MYOM3: variants seen among roughly 807,000 people sequenced by gnomAD.
MYOM3 encodes myomesin-3.
In MYOM3, 155 loss-of-function variants were observed where a neutral mutation model predicts 191.7. The ratio of observed to expected loss-of-function variants is 0.81; its 90% CI spans 0.71 to 0.92. The LOEUF is 0.92. Ranked by LOEUF, MYOM3 falls within the 40% of genes least tolerant of loss-of-function variation. MYOM3 has a pLI of 0.00. For synonymous variants in MYOM3, 757 were observed against 762.9 expected (o/e 0.99, Z 0.13); for missense variants, 1,889 against 1,890.6 (o/e 1.00, Z 0.02).
chr1:24,081,590 T>G (rs1643669449), intron 18 of MYOM3, 134 bp from the exon 19 acceptor site: 4 of 1,056,050 alleles, frequency 3.8e-6, no homozygotes, highest in Non-Finnish European at 5.4e-6. Context: ...TGAGACATGG[T>G]CTCACTTTGT....
intron 13 of MYOM3, 109 bp from the exon 14 acceptor site, chr1:24,089,774 G>T: frequency 7.5e-7 from 1 of 1,325,140 alleles, no homozygotes; most frequent in South Asian, 1.5e-5. Context: ...ATCCCCCAGA[G>T]AGGGGCAGTA....
In MYOM3 at chr1:24,095,000, G is replaced by A. The variant is rs1388807977; in HGVS notation, c.791-10C>T. 2 of 1,610,028 alleles carry A rather than the reference G, an allele frequency of 1.2e-6. No homozygotes were observed. Among genetic ancestry groups the A allele is most frequent in the East Asian group, 4.5e-5 (2 of 44,842 alleles). On this transcript the variant is annotated splice_polypyrimidine_tract_variant and intron_variant, in intron 8 of 36. Coordinates refer to ENST00000374434, the MANE Select transcript of MYOM3 (RefSeq NM_152372.4). The stretch of plus-strand genomic sequence containing the variant: ...GGGCCAAACGTCGATCCTGGCGTGG[G>A]AATGAAATTTGGGGCAGAAGTTTTT...
chr1:24,107,142 A>C lies in MYOM3; in HGVS notation c.333T>G (p.Thr111=), dbSNP rs757969473. The C allele has an allele frequency of 1.1e-5, 18 of 1,612,214 alleles. No homozygotes were observed. In the East Asian group the frequency reaches 2.9e-4, roughly 26 times the overall value. The change falls in exon 4 of 37, where the codon ACT becomes ACG. Residue 111 remains threonine (T), a synonymous_variant. Transcript: ENST00000374434. ...RVGFGNDWER[T]EIAFLQTHRL... ...GGTGGGTCTGCAGGAAGGCGATCTC[A>C]GTCCTCTCCCAGTCATTGCCGAAGC...
rs1017549939 is a variant in MYOM3, at chr1:24,087,961, C to T, written c.1615-1134G>A. ...CTCTGCCGATGAGGAAAGTCAGGTT[C>T]AGAGAGTTTCGGTAACTTGGCCAAA... On this transcript the variant is annotated intron_variant, in intron 14 of 36. Transcript: ENST00000374434. This position sits in a 1 kb window ranked among gnomAD's most constrained non-coding sequence, Gnocchi z 4.5. Among the ~76,000 whole-genome samples, 15 of 152,188 alleles carry T rather than the reference C, an allele frequency of 9.9e-5. No homozygotes were observed. Among genetic ancestry groups the T allele is most frequent in the African/African-American group, 3.6e-4 (15 of 41,448 alleles).
chr1:24,107,372 G>A (rs1326804926), intron 3 of MYOM3, 140 bp from the exon 4 acceptor site: 1 of 734,738 alleles, frequency 1.4e-6, no homozygotes, highest in Non-Finnish European at 2.1e-6. Flanking sequence ...ATCTTCCCTT[G>A]CCTCCAAAAC....
intron 28 of MYOM3, chr1:24,066,412 G>C: frequency 1.7e-6 from 1 of 597,854 alleles, no homozygotes; most frequent in Non-Finnish European, 3.0e-6. Flanking sequence ...GTACCGTGCA[G>C]AGTGGCACAA....
Position 24,063,637 on chromosome 1 carries a change from CAGG to C in MYOM3, c.3623-110_3623-108del. On this transcript the variant is annotated intron_variant, in intron 30 of 36. Coordinates refer to ENST00000374434, the MANE Select transcript of MYOM3 (RefSeq NM_152372.4). This position sits in a 1 kb window ranked among gnomAD's most constrained non-coding sequence, Gnocchi z 4.5. ...GCTGGTGGAGCCCGTGAGCTGCTCT[CAGG>C]GGGACAGGCAACTCTGTAGGATGAC... 1.6e-6 allele frequency: 2 copies of C among 1,271,036 alleles called. No homozygotes were observed. Among genetic ancestry groups the C allele is most frequent in the Non-Finnish European group, 2.3e-6 (2 of 884,588 alleles). 78.7% of individuals were successfully genotyped at this position (1,271,036 alleles called of 1,614,324 possible).
At position 24,063,126 on chromosome 1, in the gene MYOM3, T is replaced by C. The variant is rs894676280; in HGVS notation, c.3770A>G (p.Lys1257Arg). ...GGGTTCTGGGGCAAGGCGGACTTACTTGTGGAACCAGGTGGTTTTCATGTA... is the reference window on the plus strand; with the variant it reads ...GGGTTCTGGGGCAAGGCGGACTTACCTGTGGAACCAGGTGGTTTTCATGTA... ...VEYMKTTWFHKDKRLESGDRI... is the reference protein window; with the variant it reads ...VEYMKTTWFHRDKRLESGDRI... Residue 1257 changes from lysine (K) to arginine (R), a missense_variant and splice_region_variant, in exon 32 of 37, where the codon AAA (lysine) becomes AGA (arginine). Transcript: ENST00000374434. The surrounding 1 kb of genome is among the most constrained non-coding windows in gnomAD (Gnocchi z 4.5). 6.2e-7 allele frequency: 1 copy of C among 1,603,590 alleles called. No individual in the cohort carries two copies. Among genetic ancestry groups the C allele is most frequent in the Non-Finnish European group, 8.5e-7 (1 of 1,170,946 alleles).
chr1:24,102,677 T>C (rs2148560671), intron 5 of MYOM3, among the ~76,000 whole-genome samples: 1 of 152,164 alleles, frequency 6.6e-6, no homozygotes, highest in Admixed American at 6.5e-5. Context: ...TGAGACTCTG[T>C]CTACAAAAAA....
At position 24,075,344 on chromosome 1, in the gene MYOM3, C is replaced by A; in HGVS notation, c.2833G>T (p.Val945Phe). ...TTGTTAACTTTATCCTCGATCTTGACCCTCTGGGGGTCCAGTGGGCCCTTG... is the reference window on the plus strand; with the variant it reads ...TTGTTAACTTTATCCTCGATCTTGAACCTCTGGGGGTCCAGTGGGCCCTTG... ...DYKGPLDPQR[V>F]KIEDKVNKSK... The change falls in exon 22 of 37, where the codon GTC (valine) becomes TTC (phenylalanine). Residue 945 changes from valine (V) to phenylalanine (F), a missense_variant. Physicochemically the swap from Val to Phe is conservative, Grantham distance 50. Transcript: ENST00000374434. 2 of 1,612,778 alleles carry A rather than the reference C, an allele frequency of 1.2e-6. No individual in the cohort carries two copies. Among genetic ancestry groups the A allele is most frequent in the Non-Finnish European group, 8.5e-7 (1 of 1,179,952 alleles).
chr1:24,091,040 A>T (rs531700551), intron 11 of MYOM3, 44 bp from the exon 12 acceptor site: 9 of 1,597,196 alleles, frequency 5.6e-6, no homozygotes, highest in Non-Finnish European at 7.7e-6. Context: ...CCCACAATGC[A>T]CACCTTCCCA....
chr1:24,064,252 C>A, intron 29 of MYOM3, 93 bp from the exon 30 acceptor site: 1 of 923,016 alleles, frequency 1.1e-6, no homozygotes, highest in Non-Finnish European at 1.7e-6. Context: ...AGGCCTGCCC[C>A]TCACTCTCTG....
At chr1:24,104,105 T>G (rs1643962673) in intron 5 of MYOM3, among the ~76,000 whole-genome samples, 1 of 152,234 alleles carries the variant, frequency 6.6e-6, no homozygotes, top group Non-Finnish European at 1.5e-5. Context: ...AGCCTTGATA[T>G]CCTTACCTGT....
intron 28 of MYOM3, 195 bp downstream of exon 28, chr1:24,066,826 C>T: frequency 1.8e-6 from 1 of 552,974 alleles, no homozygotes; most frequent in Non-Finnish European, 3.2e-6. Flanking sequence ...GAATCCTACC[C>T]CATGGGCGCT....
Position 24,058,961 on chromosome 1 carries a change from C to T in MYOM3, c.4013G>A (p.Arg1338Lys), listed in dbSNP as rs1643336070. ...GATAGTGGCCACATCCGGCAGACCT[C>T]TCACCACTTTGGCACGATCTGGAAG... ...IIEKNRAKVV[R>K]GLPDVATIME... Residue 1338 changes from arginine (R) to lysine (K), a missense_variant, in exon 36 of 37, where the codon AGA (arginine) becomes AAA (lysine). Arg to Lys is a conservative substitution (Grantham distance 26, BLOSUM62 2). Transcript: ENST00000374434. The T allele has an allele frequency of 2.5e-6, 4 of 1,612,228 alleles. No individual in the cohort carries two copies. The highest frequency in any genetic ancestry group is 3.4e-6 in the Non-Finnish European group (4 of 1,179,392).
At chr1:24,096,475 C>T (rs1195844695) in intron 7 of MYOM3, among the ~76,000 whole-genome samples, 1 of 152,166 alleles carries the variant, frequency 6.6e-6, no homozygotes, top group African/African-American at 2.4e-5. Flanking sequence ...GGCAGGGCCC[C>T]AGTCCCTGAC....
At position 24,086,555 on chromosome 1, in the gene MYOM3, G is replaced by A. The variant is rs767436827; in HGVS notation, c.1798+89C>T. 45 of 1,336,422 alleles carry A rather than the reference G, an allele frequency of 3.4e-5. No homozygotes were observed. In the South Asian group the frequency reaches 6.1e-4, roughly 18 times the overall value. 82.8% of individuals were successfully genotyped at this position (1,336,422 alleles called of 1,614,324 possible). ...GATGGGTAGAAGGGAGCGGGGACAGGGAAGTGGGCAGGGCTTTGTCCCTGC... is the reference window on the plus strand; with the variant it reads ...GATGGGTAGAAGGGAGCGGGGACAGAGAAGTGGGCAGGGCTTTGTCCCTGC... On this transcript the variant is annotated intron_variant, in intron 15 of 36. Transcript: ENST00000374434.
In MYOM3 at chr1:24,063,344, G is replaced by T; in HGVS notation, c.3662-110C>A. 1 of 1,364,404 alleles carries T rather than the reference G, an allele frequency of 7.3e-7. No homozygotes were observed. Among genetic ancestry groups the T allele is most frequent in the Non-Finnish European group, 1.0e-6 (1 of 956,084 alleles). The allele number at this position is 1,364,404 out of a possible 1,614,324, so 84.5% of individuals were successfully genotyped here. ...GGGGGGCAGGTGCTGTGGGGGAAAT[G>T]CAGTGCTGTGAAGAGGCGGGATTTT... On this transcript the variant is annotated intron_variant, in intron 31 of 36. Coordinates refer to ENST00000374434, the MANE Select transcript of MYOM3 (RefSeq NM_152372.4). The surrounding 1 kb of genome is among the most constrained non-coding windows in gnomAD (Gnocchi z 4.5).
In MYOM3 at chr1:24,063,542, C is replaced by G. The variant is rs1643398394; in HGVS notation, c.3623-12G>C. 6 of 1,614,110 alleles carry G rather than the reference C, an allele frequency of 3.7e-6. No individual in the cohort carries two copies. Among genetic ancestry groups the G allele is most frequent in the Non-Finnish European group, 5.1e-6 (6 of 1,179,996 alleles). On this transcript the variant is annotated splice_polypyrimidine_tract_variant and intron_variant, in intron 30 of 36. Transcript: ENST00000374434. The surrounding 1 kb of genome is among the most constrained non-coding windows in gnomAD (Gnocchi z 4.5). ...GATGGCATCCAGGGCTGGCGGGAAACAGAGAGAAGGGTTAGCTGGCATAGG... is the reference window on the plus strand; with the variant it reads ...GATGGCATCCAGGGCTGGCGGGAAAGAGAGAGAAGGGTTAGCTGGCATAGG...
Sources: allele counts gnomAD v4.1 joint callset (sites outside exome capture counted in the v4.1 genomes callset), GRCh38; gene constraint gnomAD v4.1.1; non-coding constraint Gnocchi (gnomAD v3.1); transcripts MANE v1.5; gene names NCBI Gene and HGNC (gene_info 2026-07-23, HGNC 2026-07-21).